The following TRPC5 variants were observed in gnomAD, a reference collection of about 807,000 sequenced individuals.
TRPC5 encodes short transient receptor potential channel 5.
In TRPC5, 9 loss-of-function variants were observed where a neutral mutation model predicts 56.5. The ratio of observed to expected loss-of-function variants is 0.16; its 90% CI spans 0.10 to 0.28. The LOEUF (loss-of-function observed/expected upper bound fraction) is 0.28. Among genes scored for constraint, TRPC5 ranks in the 10% least tolerant of loss-of-function variants. The probability of loss-of-function intolerance (pLI) is 1.00; values close to 1 mark genes in which losing one functional copy is unlikely to be tolerated. For synonymous variants in TRPC5, 282 were observed against 278.5 expected (o/e 1.01, Z -0.13); for missense variants, 469 against 748.9 (o/e 0.63, Z 4.36).
intron 6 of TRPC5, among the ~76,000 whole-genome samples, chrX:111,838,923 C>T (rs1409174071): frequency 1.8e-5 from 2 of 111,823 alleles, no homozygotes; most frequent in African/African-American, 6.5e-5. Flanking sequence ...CTAATTCAGA[C>T]CAACAAAGAA....
chrX:111,898,622 T>A (rs7892445), intron 3 of TRPC5, among the ~76,000 whole-genome samples: 18,385 of 109,948 alleles, frequency 0.17, 2,808 homozygotes, highest in African/African-American at 0.49. Flanking sequence ...AGAAAACAAA[T>A]CAGACAGATT....
Position 111,967,717 on chromosome X carries a change from T to TG in TRPC5, c.-21-15277dup, listed in dbSNP as rs1181523153. On this transcript the variant is annotated intron_variant, in intron 1 of 10. Coordinates refer to ENST00000262839, the MANE Select transcript of TRPC5 (RefSeq NM_012471.3). ...TGACAAACCTGAGAAAAACAAGCAA[T>TG]GGGGAAAGGATTCCCTATTTAATAA... 2.0e-3 allele frequency among the ~76,000 whole-genome samples: 228 copies of TG among 111,309 alleles called. 1 individual carries two copies. Among genetic ancestry groups the TG allele is most frequent in the African/African-American group, 6.4e-3 (195 of 30,546 alleles).
intron 6 of TRPC5, among the ~76,000 whole-genome samples, chrX:111,840,454 C>G (rs1922697868): frequency 8.9e-6 from 1 of 112,088 alleles, no homozygotes; most frequent in South Asian, 3.7e-4. Context: ...AGAATAATGA[C>G]AGGAAAAAAA....
intron 7 of TRPC5, among the ~76,000 whole-genome samples, chrX:111,793,034 A>C (rs1946034542): frequency 1.8e-5 from 2 of 111,472 alleles, no homozygotes; most frequent in African/African-American, 6.5e-5. Flanking sequence ...CACCACTAGG[A>C]AACTCACCTA....
intron 7 of TRPC5, among the ~76,000 whole-genome samples, chrX:111,815,292 C>A (rs1236936894): frequency 9.0e-6 from 1 of 111,633 alleles, no homozygotes; most frequent in Non-Finnish European, 1.9e-5. Flanking sequence ...CTGGGTCCCA[C>A]TGCAGATACA....
chrX:112,077,622 A>G (rs1930864642), intron 1 of TRPC5, among the ~76,000 whole-genome samples: 1 of 111,688 alleles, frequency 9.0e-6, no homozygotes, highest in Non-Finnish European at 1.9e-5. Context: ...CTAGCTCACT[A>G]CATCCTAGCC....
intron 1 of TRPC5, among the ~76,000 whole-genome samples, chrX:111,979,861 T>C (rs776092188): frequency 1.8e-5 from 2 of 111,834 alleles, no homozygotes; most frequent in Admixed American, 9.5e-5. Context: ...AGAACTCTCA[T>C]ATACTGCTAG....
At chrX:111,991,717 T>A (rs1306651207) in intron 1 of TRPC5, among the ~76,000 whole-genome samples, 1 of 112,245 alleles carries the variant, frequency 8.9e-6, no homozygotes, top group Non-Finnish European at 1.9e-5. Flanking sequence ...TTTGATAGGT[T>A]TTTTTAAAAA....
intron 7 of TRPC5, among the ~76,000 whole-genome samples, chrX:111,802,239 T>G (rs1312823104): frequency 9.0e-6 from 1 of 111,557 alleles, no homozygotes; most frequent in Non-Finnish European, 1.9e-5. Flanking sequence ...TCAATTCTTA[T>G]GCCACTACCA....
At chrX:111,967,208 A>T (rs1234337469) in intron 1 of TRPC5, among the ~76,000 whole-genome samples, 1 of 111,928 alleles carries the variant, frequency 8.9e-6, no homozygotes, top group East Asian at 2.8e-4. Context: ...GAGCCAAATC[A>T]TGAGTGAACT....
At chrX:111,915,160 C>T (rs1925937988) in intron 2 of TRPC5, among the ~76,000 whole-genome samples, 2 of 111,245 alleles carry the variant, frequency 1.8e-5, no homozygotes, top group Admixed American at 1.9e-4. Flanking sequence ...CAGTCCTGTC[C>T]AATACACACA....
At chrX:111,845,657 G>C (rs746965624) in intron 6 of TRPC5, among the ~76,000 whole-genome samples, 1 of 111,949 alleles carries the variant, frequency 8.9e-6, no homozygotes, top group African/African-American at 3.2e-5. Flanking sequence ...GCAGTCTCCT[G>C]GTGCTCAGGC....
At chrX:111,977,093 C>T (rs1418974865) in intron 1 of TRPC5, among the ~76,000 whole-genome samples, 1 of 110,671 alleles carries the variant, frequency 9.0e-6, no homozygotes, top group Non-Finnish European at 1.9e-5. Context: ...AGATTCAATG[C>T]AATTCCTATC....
At chrX:111,883,946 C>T (rs953148069) in intron 3 of TRPC5, among the ~76,000 whole-genome samples, 4 of 112,778 alleles carry the variant, frequency 3.5e-5, no homozygotes, top group African/African-American at 1.3e-4. Flanking sequence ...AGGGCTTCAG[C>T]CTAGTTAAGT....
intron 7 of TRPC5, among the ~76,000 whole-genome samples, chrX:111,833,263 G>A (rs1042768139): frequency 7.2e-5 from 8 of 111,109 alleles, no homozygotes; most frequent in Non-Finnish European, 1.3e-4. Context: ...GTAGGCACCC[G>A]GACACATAGG....
intron 7 of TRPC5, among the ~76,000 whole-genome samples, chrX:111,810,211 C>T (rs1219486789): frequency 6.3e-5 from 7 of 111,570 alleles, no homozygotes; most frequent in Non-Finnish European, 1.3e-4. Context: ...CCGTGCCTGC[C>T]TCTTTTGCCA....
intron 7 of TRPC5, among the ~76,000 whole-genome samples, chrX:111,831,028 G>T (rs190093672): frequency 1.9e-4 from 21 of 112,113 alleles, no homozygotes; most frequent in African/African-American, 6.8e-4. Context: ...GGAATCTAGG[G>T]GGAGCATTTT....
chrX:111,947,186 TACTC>T (rs1926953055), intron 2 of TRPC5, among the ~76,000 whole-genome samples: 1 of 111,519 alleles, frequency 9.0e-6, no homozygotes, highest in Admixed American at 9.5e-5. Context: ...AATCCTGACT[TACTC>T]AGACTGCTAG....
At chrX:111,950,968 A>G (rs979620661) in intron 2 of TRPC5, among the ~76,000 whole-genome samples, 5 of 112,255 alleles carry the variant, frequency 4.5e-5, no homozygotes, top group African/African-American at 1.6e-4. Context: ...GCAGAAGGGA[A>G]GCTGCAAAAG....
Sources: gnomAD v4.1 joint callset for allele counts (sites outside exome capture counted in the v4.1 genomes callset) on GRCh38, gnomAD v4.1.1 for gene constraint, MANE v1.5 for transcripts, NCBI Gene and HGNC (gene_info 2026-07-23, HGNC 2026-07-21) for gene names.